The following ZNF385B variants were observed in gnomAD, a reference collection of about 807,000 sequenced individuals.
ZNF385B encodes the protein zinc finger protein 533.
Under a neutral mutation model 39.2 loss-of-function variants are expected in ZNF385B, and 23 were observed. The observed-to-expected ratio is 0.59, with a 90% CI of 0.42 to 0.83. ZNF385B has a LOEUF of 0.83. Among genes scored for constraint, ZNF385B ranks in the 40% least tolerant of loss-of-function variants. The probability of loss-of-function intolerance (pLI) is 0.00; values close to 1 mark genes in which losing one functional copy is unlikely to be tolerated. For missense variants in ZNF385B, 552 were observed against 598.9 expected, an observed-to-expected ratio of 0.92 and a Z score of 0.82; for synonymous variants, 205 against 222.6, an observed-to-expected ratio of 0.92 and a Z score of 0.70.
chr2:179,655,756 ATG>A (rs1693691528), intron 3 of ZNF385B, among the ~76,000 whole-genome samples: 1 of 152,172 alleles, frequency 6.6e-6, no homozygotes. Flanking sequence ...CTACAATTAC[ATG>A]TCATGAAATC....
chr2:179,670,248 CG>C (rs1559065062), intron 3 of ZNF385B, among the ~76,000 whole-genome samples: 2 of 148,676 alleles, frequency 1.3e-5, no homozygotes, highest in African/African-American at 5.0e-5. Context: ...GCCGAGATTG[CG>C]CCACTGCACT....
intron 3 of ZNF385B, among the ~76,000 whole-genome samples, chr2:179,569,613 AT>A (rs796899018): frequency 5.9e-5 from 9 of 152,344 alleles, no homozygotes; most frequent in African/African-American, 2.2e-4. Flanking sequence ...ATATTCCCAA[AT>A]CACCACAAAT....
intron 4 of ZNF385B, 69 bp downstream of exon 4, chr2:179,544,758 T>C (rs1309815700): frequency 3.2e-5 from 51 of 1,583,362 alleles, no homozygotes; most frequent in South Asian, 7.8e-5. Flanking sequence ...GCTGTATCTA[T>C]TGACTATTCA....
chr2:179,810,725 G>C (rs890235956), intron 1 of ZNF385B, among the ~76,000 whole-genome samples: 1 of 151,980 alleles, frequency 6.6e-6, no homozygotes, highest in East Asian at 1.9e-4. Context: ...TGGTGTAAAA[G>C]TCAATTTTGG....
At chr2:179,609,273 T>C (rs1043232090) in intron 3 of ZNF385B, among the ~76,000 whole-genome samples, 1 of 152,122 alleles carries the variant, frequency 6.6e-6, no homozygotes, top group Non-Finnish European at 1.5e-5. Context: ...TCTGTCTCCA[T>C]GAGTTCAATT....
chr2:179,627,289 C>T (rs1276554388), intron 3 of ZNF385B, among the ~76,000 whole-genome samples: 1 of 152,090 alleles, frequency 6.6e-6, no homozygotes, highest in East Asian at 1.9e-4. Flanking sequence ...TGCCCCAGAC[C>T]AAGAGTTCTT....
chr2:179,848,097 C>T (rs191158082), intron 1 of ZNF385B, among the ~76,000 whole-genome samples: 18 of 152,114 alleles, frequency 1.2e-4, no homozygotes, highest in South Asian at 2.1e-4. Context: ...TAGACTGATT[C>T]GCTGTAAAAA....
At chr2:179,487,665 GACTT>G (rs1279519935) in intron 5 of ZNF385B, among the ~76,000 whole-genome samples, 7 of 152,184 alleles carry the variant, frequency 4.6e-5, no homozygotes, top group Non-Finnish European at 1.0e-4. Context: ...TGGCCAAGCT[GACTT>G]ACTTTATACC....
chr2:179,781,191 C>T (rs1704643944), intron 1 of ZNF385B, among the ~76,000 whole-genome samples: 2 of 152,104 alleles, frequency 1.3e-5, no homozygotes, highest in African/African-American at 4.8e-5. Flanking sequence ...ATAGCCAGGG[C>T]AATTCTGAAG....
At chr2:179,669,482 C>G (rs1366695188) in intron 3 of ZNF385B, among the ~76,000 whole-genome samples, 1 of 152,188 alleles carries the variant, frequency 6.6e-6, no homozygotes, top group East Asian at 1.9e-4. Flanking sequence ...CCAGATGATT[C>G]TAAAGTGCAA....
intron 3 of ZNF385B, among the ~76,000 whole-genome samples, chr2:179,619,006 G>T (rs936659334): frequency 1.3e-5 from 2 of 152,088 alleles, no homozygotes; most frequent in African/African-American, 2.4e-5. Context: ...ACAACACCTG[G>T]TCTGTTTACT....
At chr2:179,641,863 A>G (rs1193133905) in intron 3 of ZNF385B, among the ~76,000 whole-genome samples, 1 of 152,132 alleles carries the variant, frequency 6.6e-6, no homozygotes, top group Non-Finnish European at 1.5e-5. Flanking sequence ...GTGTCCTGAG[A>G]TGCTTTCGAT....
intron 3 of ZNF385B, among the ~76,000 whole-genome samples, chr2:179,711,384 C>A (rs1027477533): frequency 2.6e-5 from 4 of 152,110 alleles, no homozygotes; most frequent in Admixed American, 2.6e-4. Flanking sequence ...TGTCTGACTG[C>A]AATGCTCCTC....
At chr2:179,453,182 C>A (rs74844075) in intron 6 of ZNF385B, among the ~76,000 whole-genome samples, 2 of 152,204 alleles carry the variant, frequency 1.3e-5, no homozygotes, top group African/African-American at 4.8e-5. Context: ...CTATATTCAG[C>A]AATCTTCTTT....
chr2:179,443,481 GA>G lies in ZNF385B; in HGVS notation c.1243-14del, dbSNP rs1574145271. The stretch of plus-strand genomic sequence containing the variant: ...ATGCAAGTTTTGCCTAAGGGAGGGA[GA>G]AAACCAGGAATGGGGTGGAGATCCT... On this transcript the variant is annotated splice_polypyrimidine_tract_variant and intron_variant, in intron 9 of 9. Transcript: ENST00000410066. The G allele has an allele frequency of 6.4e-7, 1 of 1,572,096 alleles. No individual in the cohort carries two copies. Among genetic ancestry groups the G allele is most frequent in the African/African-American group, 1.3e-5 (1 of 74,250 alleles).
At chr2:179,624,946 T>C (rs1448162463) in intron 3 of ZNF385B, among the ~76,000 whole-genome samples, 1 of 127,806 alleles carries the variant, frequency 7.8e-6, no homozygotes, top group Non-Finnish European at 1.7e-5. Context: ...GGGAGAATTG[T>C]TTGAACAATT....
chr2:179,677,898 G>C, intron 3 of ZNF385B, among the ~76,000 whole-genome samples: 1 of 152,158 alleles, frequency 6.6e-6, no homozygotes, highest in Non-Finnish European at 1.5e-5. Flanking sequence ...CCTTCTAGTA[G>C]AGTTCTCAGT....
chr2:179,564,048 G>T (rs1684259590), intron 3 of ZNF385B, among the ~76,000 whole-genome samples: 1 of 152,110 alleles, frequency 6.6e-6, no homozygotes, highest in Admixed American at 6.6e-5. Flanking sequence ...TAGTTCAGTA[G>T]TACACAAAGT....
At chr2:179,721,765 A>C (rs919372493) in intron 3 of ZNF385B, among the ~76,000 whole-genome samples, 1 of 152,214 alleles carries the variant, frequency 6.6e-6, no homozygotes, top group Admixed American at 6.5e-5. Context: ...CCTATTGATG[A>C]AACTTGAAAG....
Sources: gnomAD v4.1 joint callset for allele counts (sites outside exome capture counted in the v4.1 genomes callset) on GRCh38, gnomAD v4.1.1 for gene constraint, MANE v1.5 for transcripts, NCBI Gene and HGNC (gene_info 2026-07-23, HGNC 2026-07-21) for gene names.